Variants in PLXNB3 observed in about 807,000 individuals in gnomAD.
PLXNB3 encodes plexin-B3.
A neutral mutation model predicts 125.7 loss-of-function variants in PLXNB3; 80 were observed. That is an observed-to-expected ratio of 0.64 (90% CI 0.53 to 0.77). PLXNB3 has a LOEUF of 0.77. Ranked by LOEUF, PLXNB3 falls within the 30% of genes least tolerant of loss-of-function variation. The pLI is 0.00. For synonymous variants in PLXNB3, 954 were observed against 783.3 expected (o/e 1.22, Z -3.64); for missense variants, 1,836 against 1,729.3 (o/e 1.06, Z -1.09).
At position 153,774,816 on chromosome X, in the gene PLXNB3, G is replaced by A; in HGVS notation, c.3931+10G>A. The A allele has an allele frequency of 8.3e-7, 1 of 1,209,768 alleles. No homozygotes were observed. The highest frequency in any genetic ancestry group is 1.1e-6 in the Non-Finnish European group (1 of 894,611). On this transcript the variant is annotated intron_variant, in intron 23 of 35. Transcript: ENST00000361971. ...CGCAAGGAGTTCACAGGTGGGTGCG[G>A]AGGCGGGGGGACAGGGTACCCACGA...
Position 153,767,011 on chromosome X carries a change from G to A in PLXNB3, c.184G>A (p.Gly62Ser), listed in dbSNP as rs1203576071. Residue 62 changes from glycine (G) to serine (S), a missense_variant, in exon 3 of 36, where the codon GGC becomes AGC. By Grantham distance (56) the Gly-to-Ser change is moderately conservative. Transcript: ENST00000361971. Reference protein sequence around the residue: ...TTLNHLALAPGRGTLYVGAVN... With the variant: ...TTLNHLALAPSRGTLYVGAVN... The stretch of plus-strand genomic sequence containing the variant: ...TCTCAACCACTTGGCACTGGCACCT[G>A]GCCGAGGCACACTCTATGTCGGCGC... The A allele has an allele frequency of 2.5e-6, 3 of 1,209,544 alleles. No individual in the cohort carries two copies. The African/African-American group carries it at 5.2e-5, about 21-fold the overall frequency.
chrX:153,772,404 A>C (rs1478543656), intron 16 of PLXNB3, 117 bp downstream of exon 16: 1 of 564,909 alleles, frequency 1.8e-6, no homozygotes, highest in Non-Finnish European at 2.9e-6. Context: ...GCACCGCTGC[A>C]TGTCTAGGAG....
At chrX:153,765,677 C>A in intron 2 of PLXNB3, 97 bp downstream of exon 2, 1 of 1,159,801 alleles carries the variant, frequency 8.6e-7, no homozygotes, top group Non-Finnish European at 1.2e-6. Flanking sequence ...AGGCTGCAGC[C>A]TCCCTCATGG....
Position 153,779,258 on chromosome X carries a change from T to G in PLXNB3, c.*219T>G. The G allele has an allele frequency of 3.8e-6, 1 of 261,386 alleles. No homozygotes were observed. Among genetic ancestry groups the G allele is most frequent in the Non-Finnish European group, 6.3e-6 (1 of 158,132 alleles). 21.5% of individuals were successfully genotyped at this position (261,386 alleles called of 1,213,427 possible). The stretch of plus-strand genomic sequence containing the variant: ...TGTTTCTAATTTATAAGGATCCCCC[T>G]CCTTCCCCCTCTCCCCATTGTATTT... On this transcript the variant is annotated 3_prime_UTR_variant, in exon 36 of 36. Transcript: ENST00000361971.
In PLXNB3 at chrX:153,765,597, G is replaced by A. The variant is rs1021005517; in HGVS notation, c.45+17G>A. The A allele has an allele frequency of 3.4e-5, 40 of 1,183,028 alleles. No individual in the cohort carries two copies. Among genetic ancestry groups the A allele is most frequent in the Non-Finnish European group, 3.7e-5 (33 of 881,010 alleles). ...CACTTCATGGTAAGTGCCCAGGCCCGGTGTCCCCAGAAATGTTCCTGGGAG... is the reference window on the plus strand; with the variant it reads ...CACTTCATGGTAAGTGCCCAGGCCCAGTGTCCCCAGAAATGTTCCTGGGAG... On this transcript the variant is annotated intron_variant, in intron 2 of 35. Transcript: ENST00000361971.
At chrX:153,766,509 G>T in intron 2 of PLXNB3, 1 of 1,023,028 alleles carries the variant, frequency 9.8e-7, no homozygotes, top group South Asian at 3.1e-5. Flanking sequence ...CCCCCTCTGT[G>T]ACTCACAGTC....
In PLXNB3 at chrX:153,779,112, C is replaced by A; in HGVS notation, c.*73C>A. ...CTTATGACCCCGGAACCGAGCCAGC[C>A]ACTGAGGGGAGCTGGCAGAGCCTGG... On this transcript the variant is annotated 3_prime_UTR_variant, in exon 36 of 36. Coordinates refer to ENST00000361971, the MANE Select transcript of PLXNB3 (RefSeq NM_005393.3). 1 of 758,590 alleles carries A rather than the reference C, an allele frequency of 1.3e-6. No homozygotes were observed. Among genetic ancestry groups the A allele is most frequent in the Non-Finnish European group, 1.9e-6 (1 of 537,786 alleles). The allele number at this position is 758,590 out of a possible 1,213,427, so 62.5% of individuals were successfully genotyped here.
intron 4 of PLXNB3, 30 bp from the exon 5 acceptor site, chrX:153,768,918 G>A: frequency 8.3e-7 from 1 of 1,201,076 alleles, no homozygotes; most frequent in Non-Finnish European, 1.1e-6. Flanking sequence ...TGGCCATCTG[G>A]CCCAGCCTCG....
Position 153,766,937 on chromosome X carries a change from C to T in PLXNB3, c.110C>T (p.Pro37Leu), listed in dbSNP as rs1175052764. ...LCLLLLLLSP[P>L]PLPLTGAHRF... ...CTCCTCCTGCTGCTGCTGTCCCCACCGCCACTGCCCTTGACAGGGGCCCAT... is the reference window on the plus strand; with the variant it reads ...CTCCTCCTGCTGCTGCTGTCCCCACTGCCACTGCCCTTGACAGGGGCCCAT... The change falls in exon 3 of 36, where the codon CCG becomes CTG. Residue 37 changes from proline to leucine, a missense_variant. Transcript: ENST00000361971. 34 of 1,208,523 alleles carry T rather than the reference C, an allele frequency of 2.8e-5. No homozygotes were observed. The highest frequency in any genetic ancestry group is 4.6e-4 in the Middle Eastern group (2 of 4,354).
At chrX:153,770,044 C>G in intron 7 of PLXNB3, 48 bp from the exon 8 acceptor site, 1 of 1,199,849 alleles carries the variant, frequency 8.3e-7, no homozygotes, top group South Asian at 1.8e-5. Flanking sequence ...GCCTCTGCTG[C>G]CCCCTCTCTC....
chrX:153,764,560 G>A (rs2091836902), intron 1 of PLXNB3, among the ~76,000 whole-genome samples: 1 of 113,012 alleles, frequency 8.8e-6, no homozygotes, highest in East Asian at 2.8e-4. Context: ...CAGGGTACAG[G>A]GTAGAGAGGC....
chrX:153,766,165 C>G (rs782819531), intron 2 of PLXNB3: 2 of 1,120,176 alleles, frequency 1.8e-6, no homozygotes, highest in African/African-American at 1.8e-5. Context: ...CCAGCACCCC[C>G]GCTGCCTTGC....
chrX:153,764,920 T>C (rs1340794308), intron 1 of PLXNB3, among the ~76,000 whole-genome samples: 1 of 112,917 alleles, frequency 8.9e-6, no homozygotes. Context: ...ATGCTGTACC[T>C]GGCACCACTT....
chrX:153,774,510 G>A lies in PLXNB3; in HGVS notation c.3769G>A (p.Gly1257Ser), dbSNP rs944707794. The change falls in exon 22 of 36, where the codon GGC (glycine) becomes AGC (serine). Residue 1257 changes from glycine (G) to serine (S), a missense_variant. Gly to Ser is a moderately conservative substitution (Grantham distance 56). Coordinates refer to ENST00000361971, the MANE Select transcript of PLXNB3 (RefSeq NM_005393.3). ...TGCCTTTCCCGTGGAGGCCCAGGCA[G>A]GCGTGGGCATGGGTGCTGCAGTGCT... ...LSAFPVEAQA[G>S]VGMGAAVLIA... is the part of the protein sequence containing the mutation. The A allele has an allele frequency of 2.5e-6, 3 of 1,208,517 alleles. No homozygotes were observed. The Middle Eastern group carries it at 6.9e-4, about 278-fold the overall frequency.
At position 153,768,356 on chromosome X, in the gene PLXNB3, C is replaced by T. The variant is rs782447682; in HGVS notation, c.1194C>T (p.Ser398=). The T allele has an allele frequency of 2.6e-5, 31 of 1,209,770 alleles. No individual in the cohort carries two copies. The highest frequency in any genetic ancestry group is 4.6e-4 in the Middle Eastern group (2 of 4,341). ...QPLLKLGQPV[S]AVAALQADGH... ...TGCTGAAGCTCGGGCAGCCGGTCAG[C>T]GCCGTGGCAGCTCTCCAGGCAGATG... The change falls in exon 4 of 36, where the codon AGC becomes AGT. Residue 398 remains serine (S), a synonymous_variant. Coordinates refer to ENST00000361971, the MANE Select transcript of PLXNB3 (RefSeq NM_005393.3).
Position 153,766,899 on chromosome X carries a change from C to T in PLXNB3, c.72C>T (p.Pro24=), listed in dbSNP as rs782508429. Reference sequence around the variant, plus strand: ...CCCCCGTGATGGCTCGCTGGCCTCCCTTCGGCCTCTGCCTCCTCCTGCTGC... The same window carrying T: ...CCCCCGTGATGGCTCGCTGGCCTCCTTTCGGCCTCTGCCTCCTCCTGCTGC... ...FMAPVMARWP[P]FGLCLLLLLL... The change falls in exon 3 of 36, where the codon CCC becomes CCT. Residue 24 remains proline (P), a synonymous_variant. Transcript: ENST00000361971. 6 of 1,203,901 alleles carry T rather than the reference C, an allele frequency of 5.0e-6. No individual in the cohort carries two copies. Among genetic ancestry groups the T allele is most frequent in the Non-Finnish European group, 6.7e-6 (6 of 893,200 alleles).
Position 153,767,785 on chromosome X carries a change from G to A in PLXNB3, c.958G>A (p.Val320Met), listed in dbSNP as rs1439273120. ...GGCGGCGCTCTGTGCCTTCCCCATGGTGGAGCTGGGTGCCAGCATGGAGCA... is the reference window on the plus strand; with the variant it reads ...GGCGGCGCTCTGTGCCTTCCCCATGATGGAGCTGGGTGCCAGCATGGAGCA... ...TQAALCAFPM[V>M]ELGASMEQAR... The change falls in exon 3 of 36, where the codon GTG (valine) becomes ATG (methionine). Residue 320 changes from valine (V) to methionine (M), a missense_variant. Coordinates refer to ENST00000361971, the MANE Select transcript of PLXNB3 (RefSeq NM_005393.3). 8.6e-7 allele frequency: 1 copy of A among 1,169,402 alleles called. No individual in the cohort carries two copies. Among genetic ancestry groups the A allele is most frequent in the Admixed American group, 2.5e-5 (1 of 39,868 alleles).
chrX:153,768,461 T>A (rs782629577), intron 4 of PLXNB3, 33 bp downstream of exon 4: 2 of 1,148,588 alleles, frequency 1.7e-6, no homozygotes, highest in Admixed American at 4.7e-5. Flanking sequence ...CGGCTGGGTG[T>A]GCCCCTGGCC....
rs782794387 is a variant in PLXNB3, at chrX:153,772,238, C to T, written c.2726C>T (p.Ala909Val). 1 of 1,205,174 alleles carries T rather than the reference C, an allele frequency of 8.3e-7. No homozygotes were observed. The highest frequency in any genetic ancestry group is 1.8e-5 in the African/African-American group (1 of 56,519). ...GGCACCACTGGGCCCGTCCGGGTGG[C>T]CATTAAGAGCCAGCCACCAGGCATC... The part of the protein sequence containing the change: ...PNGTTGPVRV[A>V]IKSQPPGISS... Residue 909 changes from alanine (A) to valine (V), a missense_variant, in exon 16 of 36, where the codon GCC becomes GTC. Coordinates refer to ENST00000361971, the MANE Select transcript of PLXNB3 (RefSeq NM_005393.3).
Sources: gnomAD v4.1 joint callset for allele counts (sites outside exome capture counted in the v4.1 genomes callset) on GRCh38, gnomAD v4.1.1 for gene constraint, MANE v1.5 for transcripts, NCBI Gene and HGNC (gene_info 2026-07-23, HGNC 2026-07-21) for gene names.